HECTD4: variants seen among roughly 807,000 people sequenced by gnomAD.
The protein encoded by HECTD4 is probable E3 ubiquitin-protein ligase HECTD4.
HECTD4 carries 114 observed loss-of-function variants against 471.5 expected under a neutral mutation model. The observed-to-expected ratio is 0.24, with a 90% CI of 0.21 to 0.28. The LOEUF (loss-of-function observed/expected upper bound fraction) is 0.28. HECTD4 is among the 10% of genes least tolerant of loss of function. The pLI is 1.00. For missense variants in HECTD4, 3,866 were observed against 5,651.5 expected, an observed-to-expected ratio of 0.68 and a Z score of 10.13; for synonymous variants, 2,012 against 2,256.0, an observed-to-expected ratio of 0.89 and a Z score of 3.07.
At chr12:112,283,357 A>C (rs1354500767) in intron 7 of HECTD4, 55 bp from the exon 8 acceptor site, 5 of 1,343,350 alleles carry the variant, frequency 3.7e-6, no homozygotes, top group Non-Finnish European at 5.2e-6. Flanking sequence ...TTTAGTTAGC[A>C]AATTTCTACT....
In HECTD4 at chr12:112,243,774, C is replaced by T; in HGVS notation, c.4650-13G>A. The T allele has an allele frequency of 6.2e-7, 1 of 1,611,880 alleles. No homozygotes were observed. Among genetic ancestry groups the T allele is most frequent in the Non-Finnish European group, 8.5e-7 (1 of 1,178,388 alleles). On this transcript the variant is annotated splice_polypyrimidine_tract_variant and intron_variant, in intron 30 of 75. Coordinates refer to ENST00000682272, the MANE Select transcript of HECTD4 (RefSeq NM_001388303.1). The surrounding 1 kb of genome is among the most constrained non-coding windows in gnomAD (Gnocchi z 6.6). The stretch of plus-strand genomic sequence containing the variant: ...CACGTGGCGACGCCTACGGGGAACA[C>T]AGAACAGACTGGCAAGACGAGAAAC...
chr12:112,256,861 G>GA lies in HECTD4; in HGVS notation c.3129-344dup, dbSNP rs60161988. 8,526 of 140,764 alleles carry GA rather than the reference G, an allele frequency of 0.061. 1,269 individuals carry two copies. In the East Asian group the frequency reaches 0.62, roughly 10 times the overall value. The allele number at this position is 140,764 out of a possible 1,614,324, so 8.7% of individuals were successfully genotyped here. A position where few individuals can be genotyped will look rare whatever the true frequency, so the allele number is the denominator to read the frequency against. ...ATCAATTCTCATTTAAAGGTACTCA[G>GA]AAAAAAAAAAAAGATACTGTAAAGG... On this transcript the variant is annotated intron_variant, in intron 20 of 75. Coordinates refer to ENST00000682272, the MANE Select transcript of HECTD4 (RefSeq NM_001388303.1).
chr12:112,318,588 A>C (rs1312987446), intron 2 of HECTD4, among the ~76,000 whole-genome samples: 19 of 152,066 alleles, frequency 1.2e-4, no homozygotes, highest in Admixed American at 1.2e-3. Context: ...TGGCCAGGGC[A>C]GTCTAGAACT....
At chr12:112,356,423 T>TTTTGTTTG (rs973333508) in intron 1 of HECTD4, among the ~76,000 whole-genome samples, 1 of 152,100 alleles carries the variant, frequency 6.6e-6, no homozygotes. Context: ...GGTGTGTGTT[T>TTTTGTTTG]TTTGTTTGTT....
chr12:112,271,904 C>CT (rs565956496), intron 11 of HECTD4, among the ~76,000 whole-genome samples: 51 of 152,246 alleles, frequency 3.3e-4, no homozygotes, highest in East Asian at 3.1e-3. Context: ...ATAATGGCTG[C>CT]TTTAAGTCTT....
At chr12:112,313,192 A>G (rs1193794638) in intron 3 of HECTD4, 45 bp from the exon 4 acceptor site, 1 of 1,485,160 alleles carries the variant, frequency 6.7e-7, no homozygotes, top group South Asian at 1.3e-5. Context: ...GAGACAATCC[A>G]TTTCAGCAAG....
intron 60 of HECTD4, among the ~76,000 whole-genome samples, chr12:112,187,293 G>C (rs2031908036): frequency 6.6e-6 from 1 of 152,182 alleles, no homozygotes; most frequent in Non-Finnish European, 1.5e-5. Flanking sequence ...ATAGCCTTAA[G>C]AGAAAGTGGG....
At chr12:112,206,803 T>C (rs529595767) in intron 52 of HECTD4, among the ~76,000 whole-genome samples, 14 of 152,304 alleles carry the variant, frequency 9.2e-5, no homozygotes, top group African/African-American at 3.1e-4. Flanking sequence ...CCCAAAGTCC[T>C]GGGATTACAG....
In HECTD4 at chr12:112,314,710, T is replaced by C. The variant is rs537380870; in HGVS notation, c.696-164A>G. ...AAAAAAAATACTTGATTATTAACTA[T>C]CACCATTGGCTCATACACAAAGATA... On this transcript the variant is annotated intron_variant, in intron 2 of 75. Transcript: ENST00000682272. Among the ~76,000 whole-genome samples, 18 of 152,336 alleles carry C rather than the reference T, an allele frequency of 1.2e-4. No individual in the cohort carries two copies. In the South Asian group the frequency reaches 3.7e-3, roughly 32 times the overall value.
At chr12:112,248,936 T>C (rs1172019699) in intron 25 of HECTD4, among the ~76,000 whole-genome samples, 2 of 152,196 alleles carry the variant, frequency 1.3e-5, no homozygotes, top group Non-Finnish European at 2.9e-5. Flanking sequence ...TCTAAAGATA[T>C]TAAATATTCA....
chr12:112,323,957 TCTTTCTTTCTTCCTTCCTTC>T (rs1203039326), intron 1 of HECTD4, among the ~76,000 whole-genome samples: 495 of 43,314 alleles, frequency 0.011, 47 homozygotes, highest in East Asian at 0.014. Flanking sequence ...CTTCTTTCTT[TCTTTCTTTCTTCCTTCCTTC>T]CTTCCTTCCT....
intron 1 of HECTD4, among the ~76,000 whole-genome samples, chr12:112,380,768 A>T (rs1467217878): frequency 6.6e-6 from 1 of 152,190 alleles, no homozygotes; most frequent in Non-Finnish European, 1.5e-5. Flanking sequence ...AGTGGAACGT[A>T]TTCGCATCTC....
chr12:112,252,528 C>T lies in HECTD4; in HGVS notation c.3448G>A (p.Val1150Met). The T allele has an allele frequency of 6.2e-7, 1 of 1,607,968 alleles. No homozygotes were observed. Among genetic ancestry groups the T allele is most frequent in the Non-Finnish European group, 8.5e-7 (1 of 1,177,492 alleles). ...GAGAAGGTGACTGTATCTCCTTCCA[C>T]CTTAAAATTTAAGGAAGGGGGGGAA... Reference protein sequence around the residue: ...GTGWPKDLVKVEGDTVTFSFE... With the variant: ...GTGWPKDLVKMEGDTVTFSFE... Residue 1150 changes from valine (V) to methionine (M), a missense_variant and splice_region_variant, in exon 23 of 76, where the codon GTG becomes ATG. Coordinates refer to ENST00000682272, the MANE Select transcript of HECTD4 (RefSeq NM_001388303.1).
At chr12:112,346,883 A>G (rs1019479210) in intron 1 of HECTD4, among the ~76,000 whole-genome samples, 2 of 152,172 alleles carry the variant, frequency 1.3e-5, no homozygotes, top group Non-Finnish European at 2.9e-5. Context: ...TTAATTATCA[A>G]TTATTATCAA....
At chr12:112,301,794 C>T in intron 7 of HECTD4, 1 of 531,666 alleles carries the variant, frequency 1.9e-6, no homozygotes, top group South Asian at 2.1e-5. Flanking sequence ...ATTTCTTCAG[C>T]TAGCTGTTTT....
chr12:112,248,270 C>T, intron 26 of HECTD4, 50 bp downstream of exon 26: 1 of 1,531,604 alleles, frequency 6.5e-7, no homozygotes, highest in South Asian at 1.2e-5. Flanking sequence ...TTCTAAATTT[C>T]TTTAAATTTC....
In HECTD4 at chr12:112,279,084, A is replaced by G. The variant is rs978763332; in HGVS notation, c.1687+144T>C. On this transcript the variant is annotated intron_variant, in intron 9 of 75. Coordinates refer to ENST00000682272, the MANE Select transcript of HECTD4 (RefSeq NM_001388303.1). The stretch of plus-strand genomic sequence containing the variant: ...TTATATTGTTAAATCTTCCTAGCCT[A>G]TTTGATAATTGGTATTTTTTGTTAT... 15 of 659,578 alleles carry G rather than the reference A, an allele frequency of 2.3e-5. No individual in the cohort carries two copies. The Admixed American group carries it at 2.7e-4, about 12-fold the overall frequency. The allele number at this position is 659,578 out of a possible 1,614,324, so 40.9% of individuals were successfully genotyped here.
intron 10 of HECTD4, among the ~76,000 whole-genome samples, chr12:112,274,306 T>C (rs2034480839): frequency 6.6e-6 from 1 of 152,244 alleles, no homozygotes; most frequent in South Asian, 2.1e-4. Flanking sequence ...CTTATAGGCA[T>C]CATCACACAA....
At chr12:112,274,312 C>T (rs1357879744) in intron 10 of HECTD4, among the ~76,000 whole-genome samples, 2 of 152,222 alleles carry the variant, frequency 1.3e-5, no homozygotes, top group Non-Finnish European at 2.9e-5. Flanking sequence ...GGCATCATCA[C>T]ACAACCTAAT....
Sources: allele counts gnomAD v4.1 joint callset (sites outside exome capture counted in the v4.1 genomes callset), GRCh38; gene constraint gnomAD v4.1.1; non-coding constraint Gnocchi (gnomAD v3.1); transcripts MANE v1.5; gene names NCBI Gene and HGNC (gene_info 2026-07-23, HGNC 2026-07-21).